Variants in PLEK2 observed in about 807,000 individuals in gnomAD.
PLEK2 encodes the protein pleckstrin-2.
A neutral mutation model predicts 43.8 loss-of-function variants in PLEK2; 29 were observed. The ratio of observed to expected loss-of-function variants is 0.66; its 90% CI spans 0.49 to 0.90. PLEK2 has a LOEUF of 0.90. Among genes scored for constraint, PLEK2 ranks in the 40% least tolerant of loss-of-function variants. The pLI, the probability that PLEK2 is intolerant of heterozygous loss-of-function variation, is 0.00. For missense variants in PLEK2, 398 were observed against 448.1 expected (o/e 0.89, Z 1.01); for synonymous variants, 162 against 173.2 (o/e 0.94, Z 0.51).
Position 67,395,521 on chromosome 14 carries a change from C to T in PLEK2, c.270G>A (p.Glu90=), listed in dbSNP as rs201478012. ...TEYFLEACSR[E]ERDAWAFEIT... The stretch of plus-strand genomic sequence containing the variant: ...TCTCAAAGGCCCAGGCATCCCGCTC[C>T]TCTCGAGAACAGGCCTCCAGGAAGT... The change falls in exon 3 of 9, where the codon GAG becomes GAA. Residue 90 remains glutamate, a synonymous_variant. Coordinates refer to ENST00000216446, the MANE Select transcript of PLEK2 (RefSeq NM_016445.3). 8 of 1,614,160 alleles carry T rather than the reference C, an allele frequency of 5.0e-6. No individual in the cohort carries two copies. In the East Asian group the frequency reaches 1.8e-4, roughly 36 times the overall value.
intron 1 of PLEK2, among the ~76,000 whole-genome samples, chr14:67,411,136 CA>C (rs925514488): frequency 8.1e-3 from 420 of 52,082 alleles, no homozygotes; most frequent in African/African-American, 0.016. Flanking sequence ...GACCCTGTCT[CA>C]AAAAAAAAAA....
In PLEK2 at chr14:67,397,835, A is replaced by C; in HGVS notation, c.43-9T>G. 1 of 1,602,164 alleles carries C rather than the reference A, an allele frequency of 6.2e-7. No homozygotes were observed. Among genetic ancestry groups the C allele is most frequent in the Non-Finnish European group, 8.5e-7 (1 of 1,173,318 alleles). ...TTGTGGACAATGTGGCCCTATGGAC[A>C]GACAAGAAAGCCCTGAGGTGAGGCG... is the stretch of plus-strand genomic sequence containing the variant. On this transcript the variant is annotated splice_polypyrimidine_tract_variant and intron_variant, in intron 1 of 8. Transcript: ENST00000216446.
At chr14:67,396,292 C>T (rs1014419106) in intron 2 of PLEK2, among the ~76,000 whole-genome samples, 5 of 151,666 alleles carry the variant, frequency 3.3e-5, no homozygotes, top group East Asian at 2.0e-4. Context: ...GGACTACAGA[C>T]GCCCACCACC....
chr14:67,409,582 C>T (rs901213140), intron 1 of PLEK2, among the ~76,000 whole-genome samples: 1 of 152,106 alleles, frequency 6.6e-6, no homozygotes. Context: ...CACGGCTCAT[C>T]CCCCACTTCC....
At chr14:67,401,898 C>T (rs918777037) in intron 1 of PLEK2, among the ~76,000 whole-genome samples, 1 of 152,030 alleles carries the variant, frequency 6.6e-6, no homozygotes, top group Non-Finnish European at 1.5e-5. Flanking sequence ...CCGAGGTGGG[C>T]GGATCACCCA....
At chr14:67,403,274 G>C (rs967055306) in intron 1 of PLEK2, among the ~76,000 whole-genome samples, 1 of 152,158 alleles carries the variant, frequency 6.6e-6, no homozygotes, top group Non-Finnish European at 1.5e-5. Context: ...ATGCATGTTT[G>C]GTGGTAGTCA....
rs1435696203 is a variant in PLEK2, at chr14:67,392,678, G to A, written c.653C>T (p.Thr218Ile). 6 of 1,613,832 alleles carry A rather than the reference G, an allele frequency of 3.7e-6. No homozygotes were observed. Among genetic ancestry groups the A allele is most frequent in the South Asian group, 1.1e-5 (1 of 91,072 alleles). The change falls in exon 5 of 9, where the codon ACA becomes ATA. Residue 218 changes from threonine to isoleucine, a missense_variant. By Grantham distance (89) the Thr-to-Ile change is moderately conservative (BLOSUM62 -1). Transcript: ENST00000216446. The part of the protein sequence containing the change: ...DLAEQFLDDS[T>I]ALYTFAESYK... ...CCAACTTACAAAAGTGTACAGGGCT[G>A]TGGAGTCATCCAGGAACTGCTCGGC...
At chr14:67,403,711 C>T (rs2086062377) in intron 1 of PLEK2, among the ~76,000 whole-genome samples, 2 of 152,126 alleles carry the variant, frequency 1.3e-5, no homozygotes, top group African/African-American at 4.8e-5. Context: ...ATGTTCAAAT[C>T]CTTTGACCCA....
At chr14:67,389,276 AGAAG>A (rs2085950114) in intron 7 of PLEK2, among the ~76,000 whole-genome samples, 1 of 152,130 alleles carries the variant, frequency 6.6e-6, no homozygotes, top group Admixed American at 6.6e-5. Context: ...GAAAGTTCAG[AGAAG>A]GAAGGGATCC....
intron 5 of PLEK2, 42 bp from the exon 6 acceptor site, chr14:67,392,469 C>G (rs777715655): frequency 6.9e-7 from 1 of 1,442,292 alleles, no homozygotes; most frequent in Admixed American, 1.7e-5. Context: ...ACAGAAAAGA[C>G]CCAGGCCCAG....
rs61156733 is a variant in PLEK2 at position 67,391,271 on chromosome 14, A to ATGTGTGTGTGTGTGTGTG, written c.772-543_772-526dup. 1.7e-4 allele frequency among the ~76,000 whole-genome samples: 25 copies of ATGTGTGTGTGTGTGTGTG among 143,910 alleles called. 1 individual carries two copies. The highest frequency in any genetic ancestry group is 6.2e-4 in the Admixed American group (9 of 14,554). 94.4% of individuals were successfully genotyped at this position (143,910 alleles called of 152,430 possible). A position where few individuals can be genotyped will look rare whatever the true frequency, so the allele number is the denominator to read the frequency against. On this transcript the variant is annotated intron_variant, in intron 6 of 8. Transcript: ENST00000216446. The stretch of plus-strand genomic sequence containing the variant: ...AAATCTAAATGTGTAAGCAGCTGAT[A>ATGTGTGTGTGTGTGTGTG]TGTGTGTGTGTGTGTGTGTGTGTGT...
At chr14:67,400,149 C>T (rs1490231277) in intron 1 of PLEK2, among the ~76,000 whole-genome samples, 1 of 152,196 alleles carries the variant, frequency 6.6e-6, no homozygotes, top group Admixed American at 6.5e-5. Flanking sequence ...GTTATTTGTG[C>T]ATATAACTGA....
In PLEK2 at chr14:67,388,183, G is replaced by GC. The variant is rs779165222; in HGVS notation, c.934+40dup. 4 of 1,285,130 alleles carry GC rather than the reference G, an allele frequency of 3.1e-6. No homozygotes were observed. The African/African-American group carries it at 4.4e-5, about 14-fold the overall frequency. The allele number at this position is 1,285,130 out of a possible 1,614,324, so 79.6% of individuals were successfully genotyped here. ...GACATTACTGAGGTGCAGGAGGGAG[G>GC]CCCCTGAGATCTTCAGGCCAGGGCT... On this transcript the variant is annotated intron_variant, in intron 8 of 8. Transcript: ENST00000216446.
intron 1 of PLEK2, among the ~76,000 whole-genome samples, chr14:67,402,148 A>T (rs2086052721): frequency 6.6e-6 from 1 of 152,162 alleles, no homozygotes; most frequent in Non-Finnish European, 1.5e-5. Context: ...AACAACAACA[A>T]CATCAACAAA....
In PLEK2 at chr14:67,403,747, T is replaced by C. The variant is rs144968129; in HGVS notation, c.43-5921A>G. ...ATAATACCACTTTAGGGATCTCTGTTAAGTAAATAATCTAGAATATGAGGC... is the reference window on the plus strand; with the variant it reads ...ATAATACCACTTTAGGGATCTCTGTCAAGTAAATAATCTAGAATATGAGGC... On this transcript the variant is annotated intron_variant, in intron 1 of 8. Transcript: ENST00000216446. 6.4e-3 allele frequency among the ~76,000 whole-genome samples: 969 copies of C among 152,304 alleles called. 11 individuals are homozygous for C. Among genetic ancestry groups the C allele is most frequent in the African/African-American group, 0.021 (881 of 41,564 alleles).
At position 67,395,404 on chromosome 14, in the gene PLEK2, CAGGCTGATGTGCG is replaced by C; in HGVS notation, c.374_386del (p.Pro125ArgfsTer53). ...AGCCCGGCAAGTGGGGCACTCACTG[CAGGCTGATGTGCG>C]GGGGCAGCTTGAAGGAGTTTCTCAG... is the stretch of plus-strand genomic sequence containing the variant. On this transcript the variant is annotated frameshift_variant, in exon 3 of 9. Transcript: ENST00000216446. LOFTEE classifies it high-confidence loss of function. 1 of 1,613,482 alleles carries C rather than the reference CAGGCTGATGTGCG, an allele frequency of 6.2e-7. No individual in the cohort carries two copies. Among genetic ancestry groups the C allele is most frequent in the African/African-American group, 1.3e-5 (1 of 75,052 alleles).
chr14:67,388,342 A>G, intron 7 of PLEK2, 40 bp from the exon 8 acceptor site: 1 of 1,264,702 alleles, frequency 7.9e-7, no homozygotes. Flanking sequence ...TTTGTGAATG[A>G]ACAAAAGGGA....
chr14:67,399,559 G>T (rs1451612492), intron 1 of PLEK2, among the ~76,000 whole-genome samples: 3 of 148,056 alleles, frequency 2.0e-5, no homozygotes, highest in East Asian at 4.2e-4. Context: ...GGGTAGTTTA[G>T]GTGGCTGTCA....
At chr14:67,398,014 T>G in intron 1 of PLEK2, 188 bp from the exon 2 acceptor site, 1 of 416,972 alleles carries the variant, frequency 2.4e-6, no homozygotes, top group Admixed American at 4.3e-5. Context: ...GACCTTCTAG[T>G]TCCTATTTGG....
Sources: allele counts gnomAD v4.1 joint callset (sites outside exome capture counted in the v4.1 genomes callset), GRCh38; gene constraint gnomAD v4.1.1; transcripts MANE v1.5; gene names NCBI Gene and HGNC (gene_info 2026-07-23, HGNC 2026-07-21).